BZW1: variants seen among roughly 807,000 people sequenced by gnomAD.
The protein encoded by BZW1 is basic leucine zipper and W2 domains 1.
BZW1 carries 3 observed loss-of-function variants against 54.1 expected under a neutral mutation model. The ratio of observed to expected loss-of-function variants is 0.06; its 90% CI spans 0.03 to 0.14. The LOEUF is 0.14. Among genes scored for constraint, BZW1 ranks in the 10% least tolerant of loss-of-function variants. The pLI is 1.00. For synonymous variants in BZW1, 152 were observed against 162.7 expected (o/e 0.93, Z 0.50); for missense variants, 206 against 491.7 (o/e 0.42, Z 5.50).
Position 200,815,710 on chromosome 2 carries a change from C to G in BZW1, c.285C>G (p.Val95=). Residue 95 remains valine (V), a synonymous_variant, in exon 4 of 12, where the codon GTC becomes GTG. Transcript: ENST00000409600. Reference sequence around the variant, plus strand: ...CAGATGACATGATGCGTACAGATGTCTGCGTGTTTGCAGCCCAAGAAGATC... The same window carrying G: ...CAGATGACATGATGCGTACAGATGTGTGCGTGTTTGCAGCCCAAGAAGATC... ...TLADDMMRTD[V]CVFAAQEDLE... The G allele has an allele frequency of 6.3e-7, 1 of 1,594,452 alleles. No homozygotes were observed. Among genetic ancestry groups the G allele is most frequent in the Non-Finnish European group, 8.5e-7 (1 of 1,170,206 alleles).
At chr2:200,818,430 C>T (rs760104932) in intron 8 of BZW1, 37 bp downstream of exon 8, 1 of 1,579,788 alleles carries the variant, frequency 6.3e-7, no homozygotes, top group South Asian at 1.2e-5. Context: ...TATGGCTAAG[C>T]TTCTGGCATA....
rs995919562 is a variant in BZW1, at chr2:200,823,724, A to G, written c.*1546A>G. On this transcript the variant is annotated 3_prime_UTR_variant, in exon 12 of 12. Coordinates refer to ENST00000409600, the MANE Select transcript of BZW1 (RefSeq NM_001207067.2). ...ATGAGTAACTTTGATAAAGTTTTTC[A>G]TGCACAGGCAAAATGTATTCACTAG... The G allele has an allele frequency of 4.6e-5, 7 of 152,328 alleles. No individual in the cohort carries two copies. The highest frequency in any genetic ancestry group is 1.7e-4 in the African/African-American group (7 of 41,384). 9.4% of individuals were successfully genotyped at this position (152,328 alleles called of 1,614,324 possible).
At chr2:200,820,321 A>T (rs543957641) in intron 10 of BZW1, 34 of 416,682 alleles carry the variant, frequency 8.2e-5, no homozygotes, top group African/African-American at 6.7e-4. Context: ...AAGTTGAAGT[A>T]TGAAATCTAA....
At chr2:200,812,897 T>G (rs1382565776) in intron 1 of BZW1, 1 of 656,206 alleles carries the variant, frequency 1.5e-6, no homozygotes, top group East Asian at 3.2e-5. Context: ...TAAGTGAATG[T>G]AAAGAGGAAT....
intron 10 of BZW1, 121 bp from the exon 11 acceptor site, chr2:200,821,062 A>G (rs1004939751): frequency 2.0e-5 from 24 of 1,200,490 alleles, no homozygotes; most frequent in African/African-American, 1.5e-4. Flanking sequence ...TCCATTTCTC[A>G]TGGATGTTTT....
At chr2:200,818,533 T>C (rs1189475627) in intron 8 of BZW1, 140 bp downstream of exon 8, 31 of 1,129,510 alleles carry the variant, frequency 2.7e-5, no homozygotes, top group Non-Finnish European at 3.8e-5. Context: ...CTCATTCTTT[T>C]GCATATGCTT....
At chr2:200,816,136 A>G (rs995900110) in intron 4 of BZW1, among the ~76,000 whole-genome samples, 189 bp from the exon 5 acceptor site, 5 of 152,240 alleles carry the variant, frequency 3.3e-5, no homozygotes, top group Non-Finnish European at 5.9e-5. Context: ...AAAGTTTCAT[A>G]CGTAGTTATG....
In BZW1 at chr2:200,823,650, TAAAA is replaced by T. The variant is rs1222013696; in HGVS notation, c.*1474_*1477del. The T allele has an allele frequency of 3.3e-5, 5 of 152,498 alleles. No homozygotes were observed. The highest frequency in any genetic ancestry group is 6.6e-5 in the Admixed American group (1 of 15,260). The allele number at this position is 152,498 out of a possible 1,614,324, so 9.4% of individuals were successfully genotyped here. A position where few individuals can be genotyped will look rare whatever the true frequency, so the allele number is the denominator to read the frequency against. On this transcript the variant is annotated 3_prime_UTR_variant, in exon 12 of 12. Transcript: ENST00000409600. ...ATTTGAAATAAAGGTATAGTAACCT[TAAAA>T]AGAACATTATAACTGATTGTTGTGA...
intron 10 of BZW1, 25 bp downstream of exon 10, chr2:200,820,145 A>G (rs2038454753): frequency 2.0e-6 from 3 of 1,495,002 alleles, no homozygotes; most frequent in East Asian, 5.0e-5. Flanking sequence ...GAATTTTGTA[A>G]ATAACACTTA....
At chr2:200,812,577 TCGGGCG>T in intron 1 of BZW1, 2 of 1,407,252 alleles carry the variant, frequency 1.4e-6, no homozygotes, top group Non-Finnish European at 1.9e-6. Flanking sequence ...GATCTGTGGC[TCGGGCG>T]GGAGGCATGG....
intron 5 of BZW1, among the ~76,000 whole-genome samples, chr2:200,816,601 C>T (rs1336305516): frequency 6.6e-6 from 1 of 152,174 alleles, no homozygotes; most frequent in African/African-American, 2.4e-5. Context: ...AAGCGATTCT[C>T]GTGCCTCAGC....
chr2:200,821,168 G>T lies in BZW1; in HGVS notation c.1106-15G>T. On this transcript the variant is annotated splice_polypyrimidine_tract_variant and intron_variant, in intron 10 of 11. Coordinates refer to ENST00000409600, the MANE Select transcript of BZW1 (RefSeq NM_001207067.2). ...TATATTAAAACTCCCTTAATGCAAT[G>T]AGTTTTCTTTCCAGCTGAAGTCCTG... The T allele has an allele frequency of 6.2e-7, 1 of 1,611,102 alleles. No individual in the cohort carries two copies. The highest frequency in any genetic ancestry group is 1.1e-5 in the South Asian group (1 of 90,870).
intron 1 of BZW1, chr2:200,812,560 A>T (rs984094835): frequency 7.1e-6 from 10 of 1,409,244 alleles, no homozygotes; most frequent in Non-Finnish European, 9.2e-7. Flanking sequence ...CTGGGCGGGA[A>T]GCGGGTGATC....
chr2:200,826,117 A>G lies in BZW1; in HGVS notation c.*3939A>G, dbSNP rs1288780877. 1 of 152,168 alleles carries G rather than the reference A, an allele frequency of 6.6e-6. No homozygotes were observed. The highest frequency in any genetic ancestry group is 1.5e-5 in the Non-Finnish European group (1 of 68,022). 9.4% of individuals were successfully genotyped at this position (152,168 alleles called of 1,614,324 possible). On this transcript the variant is annotated 3_prime_UTR_variant, in exon 12 of 12. Coordinates refer to ENST00000409600, the MANE Select transcript of BZW1 (RefSeq NM_001207067.2). ...TGACAAGTACCTTTGTCTTTGGAGT[A>G]ATGAGTTTATAATTGGCTTTTGTCC...
At chr2:200,812,313 C>T (rs1045318889) in intron 1 of BZW1, 39 of 1,257,924 alleles carry the variant, frequency 3.1e-5, no homozygotes, top group Non-Finnish European at 3.8e-5. Context: ...GTGTGATGTA[C>T]GCGTGGGGGC....
At chr2:200,812,697 G>T in intron 1 of BZW1, 1 of 914,946 alleles carries the variant, frequency 1.1e-6, no homozygotes, top group South Asian at 1.6e-5. Flanking sequence ...CCTGAGTGGT[G>T]CAAGGCGGCC....
At position 200,822,235 on chromosome 2, in the gene BZW1, C is replaced by T; in HGVS notation, c.*57C>T. Reference sequence around the variant, plus strand: ...AGGAGTTGTAGATAAAATGTCATGTCTCATGTGTCCTGGTTCTTACATCTT... The same window carrying T: ...AGGAGTTGTAGATAAAATGTCATGTTTCATGTGTCCTGGTTCTTACATCTT... On this transcript the variant is annotated 3_prime_UTR_variant, in exon 12 of 12. Transcript: ENST00000409600. The T allele has an allele frequency of 7.0e-7, 1 of 1,434,408 alleles. No individual in the cohort carries two copies. The highest frequency in any genetic ancestry group is 9.7e-7 in the Non-Finnish European group (1 of 1,035,826). The allele number at this position is 1,434,408 out of a possible 1,614,324, so 88.9% of individuals were successfully genotyped here.
intron 1 of BZW1, chr2:200,812,261 G>T: frequency 8.1e-7 from 1 of 1,232,232 alleles, no homozygotes; most frequent in Non-Finnish European, 1.0e-6. Flanking sequence ...CTCCCTCTGG[G>T]CCGTGCCCGG....
intron 10 of BZW1, among the ~76,000 whole-genome samples, chr2:200,820,941 T>A (rs1293753833): frequency 6.6e-6 from 1 of 152,252 alleles, no homozygotes; most frequent in Non-Finnish European, 1.5e-5. Flanking sequence ...ACAAGACCTC[T>A]GTTGGGAGAA....
Sources: gnomAD v4.1 joint callset for allele counts (sites outside exome capture counted in the v4.1 genomes callset) on GRCh38, gnomAD v4.1.1 for gene constraint, MANE v1.5 for transcripts, NCBI Gene and HGNC (gene_info 2026-07-23, HGNC 2026-07-21) for gene names.